The following FAT3 variants were observed in gnomAD, a reference collection of about 807,000 sequenced individuals.
FAT3 encodes FAT atypical cadherin 3.
FAT3 carries 95 observed loss-of-function variants against 310.2 expected under a neutral mutation model. The observed-to-expected ratio is 0.31, with a 90% confidence interval of 0.26 to 0.36. FAT3 has a LOEUF of 0.36. FAT3 is among the 10% of genes least tolerant of loss of function. FAT3 has a pLI of 1.00. For synonymous variants in FAT3, 2,314 were observed against 2,192.9 expected (o/e 1.06, Z -1.54); for missense variants, 5,408 against 5,715.6 (o/e 0.95, Z 1.74).
At chr11:92,336,328 C>A (rs995661090) in intron 1 of FAT3, 3 of 436,074 alleles carry the variant, frequency 6.9e-6, no homozygotes, top group Admixed American at 2.8e-5. Context: ...TCTGGGTCCT[C>A]CTGCCAATGT....
intron 3 of FAT3, among the ~76,000 whole-genome samples, chr11:92,534,098 A>G (rs1423649029): frequency 6.6e-6 from 1 of 152,050 alleles, no homozygotes; most frequent in Non-Finnish European, 1.5e-5. Context: ...GCCTCTCTCC[A>G]TTCTTGGATG....
chr11:92,427,845 C>T (rs2135009946), intron 2 of FAT3, among the ~76,000 whole-genome samples: 1 of 152,108 alleles, frequency 6.6e-6, no homozygotes, highest in East Asian at 1.9e-4. Flanking sequence ...TTTGTTGTGT[C>T]TCTGTCAGGT....
intron 23 of FAT3, among the ~76,000 whole-genome samples, chr11:92,882,473 AC>A (rs1226949219): frequency 6.6e-6 from 1 of 150,954 alleles, no homozygotes; most frequent in East Asian, 2.0e-4. Flanking sequence ...CTTTCCCCCA[AC>A]CCAGGTAGGA....
At chr11:92,302,416 C>T (rs1565212064) in intron 1 of FAT3, among the ~76,000 whole-genome samples, 1 of 151,764 alleles carries the variant, frequency 6.6e-6, no homozygotes, top group East Asian at 1.9e-4. Flanking sequence ...TCTACCTTTC[C>T]TTTTTTTCTC....
chr11:92,798,847 A>G lies in FAT3; in HGVS notation c.5834A>G (p.Asn1945Ser), dbSNP rs749177833. 90 of 1,613,624 alleles carry G rather than the reference A, an allele frequency of 5.6e-5. No individual in the cohort carries two copies. Among genetic ancestry groups the G allele is most frequent in the South Asian group, 6.6e-5 (6 of 91,054 alleles). Residue 1945 changes from asparagine (N) to serine (S), a missense_variant, in exon 10 of 28, where the codon AAC (asparagine) becomes AGC (serine). Transcript: ENST00000525166. The part of the protein sequence containing the change: ...NSGVLTIKNN[N>S]LSKDHYMLIV... ...GGAGTACTTACCATAAAAAACAACA[A>G]CCTCTCCAAGGATCACTACATGCTG...
At chr11:92,417,561 G>A (rs1950441949) in intron 2 of FAT3, among the ~76,000 whole-genome samples, 1 of 152,166 alleles carries the variant, frequency 6.6e-6, no homozygotes, top group South Asian at 2.1e-4. Flanking sequence ...GAGAAGGAGT[G>A]TATGAATCAG....
intron 1 of FAT3, among the ~76,000 whole-genome samples, chr11:92,334,101 G>A (rs890912497): frequency 6.6e-6 from 1 of 152,186 alleles, no homozygotes; most frequent in African/African-American, 2.4e-5. Context: ...GGGAGGTTGG[G>A]TGTGGTGGCT....
chr11:92,818,349 T>A lies in FAT3; in HGVS notation c.9481+8273T>A, dbSNP rs565808970. Among the ~76,000 whole-genome samples the A allele has an allele frequency of 9.2e-5, 14 of 152,262 alleles. No homozygotes were observed. In the South Asian group the frequency reaches 2.9e-3, roughly 32 times the overall value. On this transcript the variant is annotated intron_variant, in intron 13 of 27. Coordinates refer to ENST00000525166, the MANE Select transcript of FAT3 (RefSeq NM_001367949.2). ...AGAGGTGAATCCTGAAGCATCCTTT[T>A]TCACTGGCATCAGTATGTGAGTGTG...
intron 1 of FAT3, among the ~76,000 whole-genome samples, chr11:92,344,385 C>T (rs940049421): frequency 4.6e-5 from 7 of 152,120 alleles, no homozygotes; most frequent in African/African-American, 1.4e-4. Context: ...GCATGTTTTC[C>T]GCCCCTTAGT....
rs115936354 is a variant in FAT3, at chr11:92,723,693, T to C, written c.3669+26248T>C. Among the ~76,000 whole-genome samples, 1,291 of 152,298 alleles carry C rather than the reference T, an allele frequency of 8.5e-3. 29 individuals carry two copies. Among genetic ancestry groups the C allele is most frequent in the African/African-American group, 0.03 (1,229 of 41,562 alleles). On this transcript the variant is annotated intron_variant, in intron 4 of 27. Coordinates refer to ENST00000525166, the MANE Select transcript of FAT3 (RefSeq NM_001367949.2). The stretch of plus-strand genomic sequence containing the variant: ...TCACGTGGCTGGGGAGGCCTATCTA[T>C]CATGGCAGAAGGTGAAAGGCACATC...
intron 1 of FAT3, among the ~76,000 whole-genome samples, chr11:92,321,034 C>T (rs535113120): frequency 2.6e-5 from 4 of 152,198 alleles, no homozygotes; most frequent in Non-Finnish European, 5.9e-5. Context: ...ATATAAAACT[C>T]AAATTCCTAG....
At chr11:92,470,121 G>A (rs1015615844) in intron 2 of FAT3, among the ~76,000 whole-genome samples, 1 of 152,174 alleles carries the variant, frequency 6.6e-6, no homozygotes, top group Non-Finnish European at 1.5e-5. Flanking sequence ...TCATGAGAAA[G>A]AATTTGAGCC....
chr11:92,823,714 A>G (rs528274326), intron 13 of FAT3, among the ~76,000 whole-genome samples: 24 of 152,274 alleles, frequency 1.6e-4, no homozygotes, highest in African/African-American at 4.3e-4. Flanking sequence ...TTTGACTTCA[A>G]AAAACCGAGG....
intron 3 of FAT3, among the ~76,000 whole-genome samples, chr11:92,537,706 T>A (rs560272355): frequency 6.6e-6 from 1 of 152,260 alleles, no homozygotes; most frequent in Non-Finnish European, 1.5e-5. Flanking sequence ...TCAGCTATGC[T>A]CCTTGCATTT....
At chr11:92,423,256 G>A (rs554586436) in intron 2 of FAT3, among the ~76,000 whole-genome samples, 8 of 152,160 alleles carry the variant, frequency 5.3e-5, no homozygotes, top group South Asian at 2.1e-4. Flanking sequence ...CCCTATACAC[G>A]GATCATGCCA....
chr11:92,640,130 T>A (rs1376422643), intron 3 of FAT3, among the ~76,000 whole-genome samples: 1 of 152,086 alleles, frequency 6.6e-6, no homozygotes, highest in African/African-American at 2.4e-5. Flanking sequence ...AACAGGGAGT[T>A]TAGAGAGGCT....
intron 2 of FAT3, among the ~76,000 whole-genome samples, chr11:92,482,950 TATC>T (rs1297066185): frequency 1.3e-5 from 2 of 152,190 alleles, no homozygotes; most frequent in African/African-American, 4.8e-5. Context: ...AAAGAGCAGT[TATC>T]ATCGTAAATC....
chr11:92,827,871 C>G (rs1948140502), intron 13 of FAT3, among the ~76,000 whole-genome samples: 1 of 152,162 alleles, frequency 6.6e-6, no homozygotes, highest in South Asian at 2.1e-4. Context: ...CCTGTCTGCT[C>G]CATTTGCCAC....
At chr11:92,530,606 C>T (rs11019983) in intron 3 of FAT3, among the ~76,000 whole-genome samples, 9,774 of 152,012 alleles carry the variant, frequency 0.064, 1,031 homozygotes, top group African/African-American at 0.22. Context: ...ACCTGGGTCA[C>T]GTAATGTTTG....
Sources: gnomAD v4.1 joint callset for allele counts (sites outside exome capture counted in the v4.1 genomes callset) on GRCh38, gnomAD v4.1.1 for gene constraint, MANE v1.5 for transcripts, NCBI Gene and HGNC (gene_info 2026-07-23, HGNC 2026-07-21) for gene names.